The following FRMPD4 variants were observed in gnomAD, a reference collection of about 807,000 sequenced individuals.
FRMPD4 encodes FERM and PDZ domain-containing protein 4.
A neutral mutation model predicts 94.1 loss-of-function variants in FRMPD4; 22 were observed. The ratio of observed to expected loss-of-function variants is 0.23; its 90% CI spans 0.17 to 0.33. FRMPD4 has a LOEUF of 0.33. FRMPD4 is among the 10% of genes least tolerant of loss of function. The pLI is 1.00. For missense variants in FRMPD4, 1,111 were observed against 1,339.9 expected (o/e 0.83, Z 2.67); for synonymous variants, 631 against 548.6 (o/e 1.15, Z -2.10).
intron 1 of FRMPD4, among the ~76,000 whole-genome samples, chrX:12,277,046 G>A (rs945700411): frequency 5.9e-5 from 6 of 102,128 alleles, no homozygotes; most frequent in Admixed American, 2.1e-4. Context: ...GCGTGAACCC[G>A]GGAGGCGGAG....
chrX:12,298,093 C>G (rs2054801548), intron 1 of FRMPD4, among the ~76,000 whole-genome samples: 1 of 112,092 alleles, frequency 8.9e-6, no homozygotes, highest in Non-Finnish European at 1.9e-5. Flanking sequence ...AGAGATTTGA[C>G]TGTAAGATTT....
intron 1 of FRMPD4, among the ~76,000 whole-genome samples, chrX:11,854,135 C>T (rs1601806506): frequency 9.0e-6 from 1 of 111,485 alleles, no homozygotes; most frequent in African/African-American, 3.3e-5. Context: ...GAATGAGTGC[C>T]TAGTGAAGGG....
At chrX:12,246,122 C>T (rs188633631) in intron 1 of FRMPD4, among the ~76,000 whole-genome samples, 15 of 111,638 alleles carry the variant, frequency 1.3e-4, no homozygotes, top group Non-Finnish European at 1.9e-5. Flanking sequence ...GTTTTGACAA[C>T]TAACCACTGC....
chrX:11,845,576 A>C (rs1030512253), intron 1 of FRMPD4, among the ~76,000 whole-genome samples: 1 of 107,895 alleles, frequency 9.3e-6, no homozygotes, highest in East Asian at 2.9e-4. Flanking sequence ...GACACAACCA[A>C]AAAAGAGAAT....
intron 3 of FRMPD4, among the ~76,000 whole-genome samples, chrX:11,896,485 C>T (rs1034565932): frequency 1.3e-4 from 15 of 111,752 alleles, no homozygotes; most frequent in African/African-American, 4.2e-4. Flanking sequence ...GCTGCCTCTT[C>T]CCTTCTACCA....
chrX:12,423,308 AT>A (rs1489419399), intron 1 of FRMPD4, among the ~76,000 whole-genome samples: 1 of 111,682 alleles, frequency 9.0e-6, no homozygotes, highest in African/African-American at 3.3e-5. Context: ...TTGGTACATG[AT>A]TTCATTCTGA....
At chrX:12,615,984 G>A (rs746207212) in intron 4 of FRMPD4, among the ~76,000 whole-genome samples, 8 of 110,960 alleles carry the variant, frequency 7.2e-5, no homozygotes, top group Non-Finnish European at 1.3e-4. Context: ...GAAGAACTGG[G>A]AGAGGAGCAA....
chrX:12,243,734 G>A (rs1202809852), intron 1 of FRMPD4, among the ~76,000 whole-genome samples: 1 of 101,186 alleles, frequency 9.9e-6, no homozygotes, highest in Admixed American at 1.1e-4. Flanking sequence ...GCACTGTGCA[G>A]CATCCTGGGC....
At chrX:12,584,951 C>T (rs2058910039) in intron 2 of FRMPD4, among the ~76,000 whole-genome samples, 1 of 111,545 alleles carries the variant, frequency 9.0e-6, no homozygotes, top group Non-Finnish European at 1.9e-5. Context: ...GGCAGAGTCT[C>T]ACTGTGTTGC....
intron 3 of FRMPD4, among the ~76,000 whole-genome samples, chrX:11,935,095 T>TAA (rs1555914064): frequency 3.5e-4 from 17 of 49,002 alleles, no homozygotes; most frequent in Admixed American, 1.5e-3. Flanking sequence ...TTTTTTTTTT[T>TAA]AAATTTAACA....
chrX:12,437,618 C>T (rs1413690208), intron 1 of FRMPD4, among the ~76,000 whole-genome samples: 1 of 111,437 alleles, frequency 9.0e-6, no homozygotes, highest in Non-Finnish European at 1.9e-5. Context: ...TTCAGTTTTA[C>T]TCAGCCCTTT....
At chrX:12,602,220 C>T (rs1313627026) in intron 2 of FRMPD4, among the ~76,000 whole-genome samples, 1 of 111,987 alleles carries the variant, frequency 8.9e-6, no homozygotes, top group Non-Finnish European at 1.9e-5. Flanking sequence ...ACTTTGCTTT[C>T]TTTTATTCTT....
chrX:12,306,513 A>G (rs1276350270), intron 1 of FRMPD4, among the ~76,000 whole-genome samples: 1 of 112,057 alleles, frequency 8.9e-6, no homozygotes, highest in African/African-American at 3.2e-5. Context: ...CACAAAATTC[A>G]ATGTCTTTTA....
intron 3 of FRMPD4, among the ~76,000 whole-genome samples, chrX:12,023,151 A>G (rs1367041174): frequency 9.0e-6 from 1 of 111,661 alleles, no homozygotes; most frequent in Non-Finnish European, 1.9e-5. Flanking sequence ...CCCTTCTACC[A>G]TATGAGGTTA....
At chrX:12,530,285 T>A (rs139745543) in intron 2 of FRMPD4, among the ~76,000 whole-genome samples, 2,182 of 111,695 alleles carry the variant, frequency 0.02, 25 homozygotes, top group Non-Finnish European at 0.029. Flanking sequence ...ATGACCAGAT[T>A]GCTTGGATGT....
intron 1 of FRMPD4, among the ~76,000 whole-genome samples, chrX:12,266,132 C>CAAAAAAAAAAAAAA (rs3990340): frequency 3.9e-4 from 10 of 25,769 alleles, no homozygotes; most frequent in Non-Finnish European, 5.9e-4. Flanking sequence ...GACTCCGTCT[C>CAAAAAAAAAAAAAA]AAAAAAAAAA....
chrX:11,894,056 G>C (rs768745024), intron 3 of FRMPD4, among the ~76,000 whole-genome samples: 1 of 111,805 alleles, frequency 8.9e-6, no homozygotes, highest in East Asian at 2.8e-4. Flanking sequence ...GCTTCCCTGA[G>C]TTAAGAAATG....
chrX:12,167,911 G>A (rs7051987), intron 1 of FRMPD4, among the ~76,000 whole-genome samples: 5,475 of 111,149 alleles, frequency 0.049, 203 homozygotes, highest in African/African-American at 0.12. Context: ...TGAGTAAGTC[G>A]CTTGTTCTCA....
At chrX:11,965,565 C>T (rs921543116) in intron 3 of FRMPD4, among the ~76,000 whole-genome samples, 2 of 112,001 alleles carry the variant, frequency 1.8e-5, no homozygotes, top group East Asian at 2.8e-4. Context: ...ATGTTCTTCT[C>T]ATTGTCTGAT....
Sources: gnomAD v4.1 joint callset for allele counts (sites outside exome capture counted in the v4.1 genomes callset) on GRCh38, gnomAD v4.1.1 for gene constraint, MANE v1.5 for transcripts, NCBI Gene and HGNC (gene_info 2026-07-23, HGNC 2026-07-21) for gene names.